SHANK2: variants seen among roughly 807,000 people sequenced by gnomAD.
The protein encoded by SHANK2 is SH3 and multiple ankyrin repeat domains protein 2.
A neutral mutation model predicts 133.7 loss-of-function variants in SHANK2; 43 were observed. The ratio of observed to expected loss-of-function variants is 0.32; its 90% CI spans 0.25 to 0.41. The LOEUF (loss-of-function observed/expected upper bound fraction) is 0.41. Ranked by LOEUF, SHANK2 falls within the 10% of genes least tolerant of loss-of-function variation. SHANK2 has a pLI of 1.00. For missense variants in SHANK2, 1,994 were observed against 2,235.8 expected (o/e 0.89, Z 2.18); for synonymous variants, 1,017 against 952.8 (o/e 1.07, Z -1.24).
At chr11:70,717,641 C>A (rs1468830149) in intron 14 of SHANK2, among the ~76,000 whole-genome samples, 1 of 152,146 alleles carries the variant, frequency 6.6e-6, no homozygotes, top group African/African-American at 2.4e-5. Flanking sequence ...AAAGGCTCCG[C>A]ACACCAGCCC....
At chr11:71,164,570 T>G (rs1464358422) in intron 2 of SHANK2, among the ~76,000 whole-genome samples, 2 of 152,166 alleles carry the variant, frequency 1.3e-5, no homozygotes. Flanking sequence ...TACCAGAAAC[T>G]AAGTTAAATT....
chr11:70,653,468 A>G (rs1450458307), intron 17 of SHANK2, among the ~76,000 whole-genome samples: 1 of 147,040 alleles, frequency 6.8e-6, no homozygotes, highest in Non-Finnish European at 1.5e-5. Context: ...TTCAAGACAG[A>G]GTCTTGCTCT....
intron 1 of SHANK2, among the ~76,000 whole-genome samples, chr11:71,239,633 G>GT (rs1201102116): frequency 4.6e-5 from 7 of 151,800 alleles, no homozygotes; most frequent in Admixed American, 4.6e-4. Context: ...GCTAATACTT[G>GT]TTTTTTGTTT....
chr11:71,081,014 C>A (rs990097376), intron 8 of SHANK2, among the ~76,000 whole-genome samples: 1 of 152,194 alleles, frequency 6.6e-6, no homozygotes, highest in African/African-American at 2.4e-5. Context: ...CCCCCAGTAC[C>A]TCCGCATGGG....
intron 11 of SHANK2, among the ~76,000 whole-genome samples, chr11:70,878,775 T>G (rs1949611403): frequency 6.6e-6 from 1 of 152,162 alleles, no homozygotes; most frequent in Non-Finnish European, 1.5e-5. Context: ...TACCCAGGGC[T>G]CAAAGCAGCT....
intron 10 of SHANK2, among the ~76,000 whole-genome samples, chr11:70,902,244 G>T (rs916806396): frequency 6.6e-6 from 1 of 152,320 alleles, no homozygotes; most frequent in South Asian, 2.1e-4. Context: ...TCTCACTTCC[G>T]TATCTGCTGG....
intron 2 of SHANK2, among the ~76,000 whole-genome samples, chr11:71,207,597 G>T (rs1327540081): frequency 6.6e-6 from 1 of 152,198 alleles, no homozygotes; most frequent in African/African-American, 2.4e-5. Flanking sequence ...TCCAAGAAAA[G>T]GGGAAATTAG....
At chr11:70,630,284 G>A (rs186434361) in intron 17 of SHANK2, among the ~76,000 whole-genome samples, 551 of 152,358 alleles carry the variant, frequency 3.6e-3, no homozygotes, top group Middle Eastern at 0.017. Flanking sequence ...GGCCCCAGAA[G>A]GCTGGTCAGC....
chr11:71,187,552 T>C (rs542745704), intron 2 of SHANK2, among the ~76,000 whole-genome samples: 21 of 152,278 alleles, frequency 1.4e-4, no homozygotes, highest in Non-Finnish European at 2.2e-4. Flanking sequence ...CATGTTTTAT[T>C]CAGCACAGTT....
intron 14 of SHANK2, among the ~76,000 whole-genome samples, chr11:70,777,229 T>C (rs1555044100): frequency 6.7e-6 from 1 of 149,556 alleles, no homozygotes; most frequent in Non-Finnish European, 1.5e-5. Flanking sequence ...CCATCTATCC[T>C]CCCAGCTACC....
At chr11:70,855,561 T>C (rs1949156307) in intron 11 of SHANK2, among the ~76,000 whole-genome samples, 1 of 152,200 alleles carries the variant, frequency 6.6e-6, no homozygotes, top group African/African-American at 2.4e-5. Context: ...ACAGCTCCCA[T>C]GGTTAGAACA....
At chr11:70,501,890 G>A (rs781838202) in intron 20 of SHANK2, 33 bp downstream of exon 20, 3 of 1,556,830 alleles carry the variant, frequency 1.9e-6, no homozygotes, top group Admixed American at 1.9e-5. Context: ...ACAGCAGGGG[G>A]AGCTGCTTTG....
chr11:71,071,106 A>G (rs886350028), intron 9 of SHANK2, among the ~76,000 whole-genome samples: 1 of 152,384 alleles, frequency 6.6e-6, no homozygotes, highest in African/African-American at 2.4e-5. Context: ...TTTTCAAGAT[A>G]AAATGTGCTT....
At chr11:70,483,976 G>A (rs2058769196) in intron 25 of SHANK2, among the ~76,000 whole-genome samples, 1 of 152,232 alleles carries the variant, frequency 6.6e-6, no homozygotes. Context: ...TGATGTCACT[G>A]ATTAATGCAC....
At chr11:71,201,753 G>T (rs1377503858) in intron 2 of SHANK2, among the ~76,000 whole-genome samples, 3 of 152,346 alleles carry the variant, frequency 2.0e-5, no homozygotes, top group African/African-American at 7.2e-5. Flanking sequence ...AGTGGGGCTG[G>T]CTTTGAAGTC....
intron 14 of SHANK2, among the ~76,000 whole-genome samples, chr11:70,711,821 A>G (rs1480544048): frequency 1.3e-5 from 2 of 152,248 alleles, no homozygotes; most frequent in African/African-American, 4.8e-5. Context: ...TCATTCATCA[A>G]GCACCTTCTG....
At chr11:71,218,820 C>T (rs1161500617) in intron 2 of SHANK2, among the ~76,000 whole-genome samples, 2 of 152,254 alleles carry the variant, frequency 1.3e-5, no homozygotes, top group Non-Finnish European at 2.9e-5. Context: ...AAGCCCCAGA[C>T]TTGCTGTCCT....
chr11:70,942,286 G>A (rs1009214401), intron 10 of SHANK2, among the ~76,000 whole-genome samples: 8 of 152,176 alleles, frequency 5.3e-5, no homozygotes, highest in African/African-American at 1.4e-4. Context: ...GAGGGTTTCT[G>A]TGCTGCAACA....
intron 10 of SHANK2, among the ~76,000 whole-genome samples, chr11:70,932,440 G>A (rs889701118): frequency 1.3e-5 from 2 of 152,236 alleles, no homozygotes; most frequent in East Asian, 3.9e-4. Context: ...CCCCGCTAAG[G>A]GAAGCAGATG....
Sources: allele counts gnomAD v4.1 joint callset (sites outside exome capture counted in the v4.1 genomes callset), GRCh38; gene constraint gnomAD v4.1.1; transcripts MANE v1.5; gene names NCBI Gene and HGNC (gene_info 2026-07-23, HGNC 2026-07-21).